Variants in L3HYPDH observed in about 807,000 individuals in gnomAD.
L3HYPDH encodes trans-3-hydroxy-L-proline dehydratase.
A neutral mutation model predicts 26.5 loss-of-function variants in L3HYPDH; 32 were observed. The observed-to-expected ratio is 1.21, with a 90% CI of 0.91 to 1.62. The LOEUF is 1.62. Ranked by LOEUF, L3HYPDH falls within the 40% of genes most tolerant of loss-of-function variation. The probability of loss-of-function intolerance (pLI) is 0.00; values close to 1 mark genes in which losing one functional copy is unlikely to be tolerated. For missense variants in L3HYPDH, 554 were observed against 476.4 expected, an observed-to-expected ratio of 1.16 and a Z score of -1.52; for synonymous variants, 215 against 196.6, an observed-to-expected ratio of 1.09 and a Z score of -0.78.
At chr14:59,503,571 C>G in the L3HYPDH span, among the ~76,000 whole-genome samples, 1 of 152,094 alleles carries the variant, frequency 6.6e-6, no homozygotes, top group South Asian at 2.1e-4. Context: ...TATAGTGTTT[C>G]CAGGAGTGAA....
chr14:59,468,258 T>A (rs1889241022), downstream of L3HYPDH, among the ~76,000 whole-genome samples: 1 of 152,204 alleles, frequency 6.6e-6, no homozygotes, highest in Non-Finnish European at 1.5e-5. Flanking sequence ...CCCATTTATT[T>A]TAGAATAAGG....
At chr14:59,484,783 A>G (rs181375410), upstream of L3HYPDH, 2,116 of 899,546 alleles carry the variant, frequency 2.4e-3, 34 homozygotes, top group Non-Finnish European at 4.3e-4. Context: ...GCAACGGGCT[A>G]CTAGGGGAGG....
At chr14:59,498,644 G>A in the L3HYPDH span, 6 of 779,460 alleles carry the variant, frequency 7.7e-6, no homozygotes, top group Non-Finnish European at 1.2e-5. Context: ...ACCTCTTTTA[G>A]GCTCTTTCAT....
In L3HYPDH at chr14:59,472,905, A is replaced by G; in HGVS notation, c.*60T>C. 6.9e-7 allele frequency: 1 copy of G among 1,439,856 alleles called. No homozygotes were observed. The highest frequency in any genetic ancestry group is 9.3e-7 in the Non-Finnish European group (1 of 1,073,268). The allele number at this position is 1,439,856 out of a possible 1,614,324, so 89.2% of individuals were successfully genotyped here. On this transcript the variant is annotated 3_prime_UTR_variant, in exon 5 of 5. Coordinates refer to ENST00000247194, the MANE Select transcript of L3HYPDH (RefSeq NM_144581.2). ...TATTTGTTTTCATATAATTTAGAGA[A>G]AACAGTCCTTAAGGATAATGATTAC...
At chr14:59,492,176 TAAG>T in the L3HYPDH span, among the ~76,000 whole-genome samples, 27 of 151,844 alleles carry the variant, frequency 1.8e-4, no homozygotes, top group Admixed American at 1.6e-3. Context: ...TCCATAACAA[TAAG>T]ATTATTAGGA....
the L3HYPDH span, among the ~76,000 whole-genome samples, chr14:59,493,225 T>A: frequency 6.6e-6 from 1 of 152,146 alleles, no homozygotes; most frequent in Non-Finnish European, 1.5e-5. Flanking sequence ...CCTGCATGCA[T>A]CATAATTAAA....
the L3HYPDH span, among the ~76,000 whole-genome samples, chr14:59,492,671 G>A: frequency 6.6e-6 from 1 of 152,116 alleles, no homozygotes; most frequent in Non-Finnish European, 1.5e-5. Flanking sequence ...GGCTTCCAGA[G>A]GAAAAGAGCT....
At chr14:59,487,585 G>A (rs1890677375), upstream of L3HYPDH, 1 of 951,394 alleles carries the variant, frequency 1.1e-6, no homozygotes, top group Non-Finnish European at 1.6e-6. Flanking sequence ...TATTTAAACT[G>A]AAATGGGATG....
chr14:59,473,428 G>A (rs534591403), intron 4 of L3HYPDH, among the ~76,000 whole-genome samples: 19 of 152,272 alleles, frequency 1.2e-4, no homozygotes, highest in South Asian at 8.3e-4. Context: ...TAGTTTGGAG[G>A]TAGAACTGAT....
the L3HYPDH span, among the ~76,000 whole-genome samples, chr14:59,497,534 G>C: frequency 6.6e-6 from 1 of 152,114 alleles, no homozygotes; most frequent in Non-Finnish European, 1.5e-5. Flanking sequence ...GAAATGGACA[G>C]ATTTTTTTTC....
chr14:59,484,146 G>A lies in L3HYPDH; in HGVS notation c.171C>T (p.His57=). Residue 57 remains histidine, a synonymous_variant, in exon 1 of 5, where the codon CAC becomes CAT. Coordinates refer to ENST00000247194, the MANE Select transcript of L3HYPDH (RefSeq NM_144581.2). Reference sequence around the variant, plus strand: ...TGAGCCGTCGCCGCACGTGGTCAAGGTGCTGGCGCATGTAGCGCCGCTTGG... The same window carrying A: ...TGAGCCGTCGCCGCACGTGGTCAAGATGCTGGCGCATGTAGCGCCGCTTGG... The part of the protein sequence containing the change: ...LLAKRRYMRQ[H]LDHVRRRLMF... The A allele has an allele frequency of 6.2e-7, 1 of 1,601,690 alleles. No homozygotes were observed. Among genetic ancestry groups the A allele is most frequent in the Non-Finnish European group, 8.5e-7 (1 of 1,179,302 alleles).
At chr14:59,500,592 GATTA>G in the L3HYPDH span, among the ~76,000 whole-genome samples, 1 of 152,092 alleles carries the variant, frequency 6.6e-6, no homozygotes, top group Non-Finnish European at 1.5e-5. Context: ...CTTTTCTAAA[GATTA>G]ATTAAAGCTG....
At chr14:59,469,558 TAAAAAAAAAAAAA>T (rs36113229), downstream of L3HYPDH, among the ~76,000 whole-genome samples, 1 of 43,310 alleles carries the variant, frequency 2.3e-5, no homozygotes, top group Non-Finnish European at 3.8e-5. Flanking sequence ...TCCATCTCAT[TAAAAAAAAAAAAA>T]AAAAAAAAAA....
At chr14:59,497,851 C>T in the L3HYPDH span, among the ~76,000 whole-genome samples, 3 of 152,156 alleles carry the variant, frequency 2.0e-5, no homozygotes, top group East Asian at 5.8e-4. Flanking sequence ...GCATGTGGTC[C>T]GTGATCTGAA....
chr14:59,474,895 C>T (rs1282239326), intron 4 of L3HYPDH: 3 of 168,142 alleles, frequency 1.8e-5, no homozygotes, highest in African/African-American at 7.1e-5. Context: ...TAAATGGTTT[C>T]ACATGTTTCA....
At chr14:59,498,944 A>T in the L3HYPDH span, 1 of 1,138,116 alleles carries the variant, frequency 8.8e-7, no homozygotes, top group Non-Finnish European at 1.2e-6. Context: ...AAATATATTT[A>T]TTATTGTATG....
the L3HYPDH span, among the ~76,000 whole-genome samples, chr14:59,493,077 C>T: frequency 4.6e-5 from 7 of 151,970 alleles, no homozygotes; most frequent in East Asian, 1.9e-4. Context: ...GGATTACAGG[C>T]GTGAGCCACC....
At chr14:59,490,662 G>C in the L3HYPDH span, among the ~76,000 whole-genome samples, 1 of 152,012 alleles carries the variant, frequency 6.6e-6, no homozygotes, top group Non-Finnish European at 1.5e-5. Context: ...TATTTACATT[G>C]GGAAAGCATT....
chr14:59,493,094 A>G, the L3HYPDH span, among the ~76,000 whole-genome samples: 2,594 of 151,974 alleles, frequency 0.017, 32 homozygotes, highest in South Asian at 0.038. Context: ...CACCACGCCC[A>G]GCCAAGGAGA....
Sources: gnomAD v4.1 joint callset for allele counts (sites outside exome capture counted in the v4.1 genomes callset) on GRCh38, gnomAD v4.1.1 for gene constraint, MANE v1.5 for transcripts, NCBI Gene and HGNC (gene_info 2026-07-23, HGNC 2026-07-21) for gene names.